Variants in KCNJ6 observed in about 807,000 individuals in gnomAD.
KCNJ6 encodes potassium inwardly rectifying channel subfamily J member 6, also known as G protein-activated inward rectifier potassium channel 2.
A neutral mutation model predicts 34.2 loss-of-function variants in KCNJ6; 9 were observed. That is an observed-to-expected ratio of 0.26 (90% confidence interval 0.16 to 0.46). KCNJ6 has a LOEUF of 0.46. KCNJ6 is among the 20% of genes least tolerant of loss of function. The probability of loss-of-function intolerance (pLI) is 1.00; values close to 1 mark genes in which losing one functional copy is unlikely to be tolerated. For synonymous variants in KCNJ6, 196 were observed against 207.1 expected (o/e 0.95, Z 0.46); for missense variants, 236 against 531.3 (o/e 0.44, Z 5.46).
At chr21:37,803,140 A>C (rs1234175953) in intron 2 of KCNJ6, among the ~76,000 whole-genome samples, 2 of 152,134 alleles carry the variant, frequency 1.3e-5, no homozygotes, top group African/African-American at 4.8e-5. Flanking sequence ...ATGACGTTGA[A>C]AATTATGTTT....
At chr21:37,653,325 AAGCCTGC>A (rs2054442406) in intron 3 of KCNJ6, among the ~76,000 whole-genome samples, 1 of 152,154 alleles carries the variant, frequency 6.6e-6, no homozygotes, top group African/African-American at 2.4e-5. Flanking sequence ...ATAAGGTTAC[AAGCCTGC>A]AGGATGGAGA....
intron 1 of KCNJ6, among the ~76,000 whole-genome samples, chr21:37,840,918 T>C (rs913522055): frequency 2.6e-5 from 4 of 152,212 alleles, no homozygotes; most frequent in Non-Finnish European, 4.4e-5. Flanking sequence ...AAGCTTCCCA[T>C]TGCTCTTGGA....
At chr21:37,865,027 C>T (rs2055615453) in intron 1 of KCNJ6, among the ~76,000 whole-genome samples, 1 of 152,048 alleles carries the variant, frequency 6.6e-6, no homozygotes, top group South Asian at 2.1e-4. Flanking sequence ...TTCTCTATGC[C>T]CATGAGGCTT....
At chr21:37,736,128 C>T (rs1262729732) in intron 2 of KCNJ6, among the ~76,000 whole-genome samples, 1 of 152,166 alleles carries the variant, frequency 6.6e-6, no homozygotes, top group African/African-American at 2.4e-5. Flanking sequence ...AGGCTTGGAG[C>T]CCCATCTCTG....
At chr21:37,865,407 G>C (rs2123606839) in intron 1 of KCNJ6, among the ~76,000 whole-genome samples, 1 of 152,306 alleles carries the variant, frequency 6.6e-6, no homozygotes, top group African/African-American at 2.4e-5. Flanking sequence ...TCCACCCCCA[G>C]TTCTCAGCTG....
At chr21:37,835,984 A>G (rs574882443) in intron 2 of KCNJ6, among the ~76,000 whole-genome samples, 1 of 152,206 alleles carries the variant, frequency 6.6e-6, no homozygotes, top group Non-Finnish European at 1.5e-5. Flanking sequence ...GATGCGATCT[A>G]TCCATCTGAC....
At chr21:37,854,462 A>G (rs757341040) in intron 1 of KCNJ6, among the ~76,000 whole-genome samples, 7 of 152,344 alleles carry the variant, frequency 4.6e-5, no homozygotes, top group South Asian at 2.1e-4. Flanking sequence ...TAATGGAGTA[A>G]TGAGTAGAAC....
intron 1 of KCNJ6, among the ~76,000 whole-genome samples, chr21:37,844,294 G>A (rs999616630): frequency 6.6e-6 from 1 of 152,004 alleles, no homozygotes; most frequent in Non-Finnish European, 1.5e-5. Context: ...TGTTGACCTC[G>A]TGATCCGCCC....
chr21:37,765,229 C>G (rs1387492974), intron 2 of KCNJ6, among the ~76,000 whole-genome samples: 1 of 152,154 alleles, frequency 6.6e-6, no homozygotes, highest in Non-Finnish European at 1.5e-5. Flanking sequence ...CACTGCACAT[C>G]TCTTTTAAAT....
intron 3 of KCNJ6, among the ~76,000 whole-genome samples, chr21:37,668,973 C>G (rs1170731590): frequency 6.6e-6 from 1 of 152,154 alleles, no homozygotes; most frequent in African/African-American, 2.4e-5. Context: ...CTTCCAGGCC[C>G]TCCCAATCCA....
At position 37,611,563 on chromosome 21, in the gene KCNJ6, T is replaced by A. The variant is rs1470123892; in HGVS notation, c.*13596A>T. The A allele has an allele frequency of 6.6e-6, 1 of 152,198 alleles. No homozygotes were observed. The highest frequency in any genetic ancestry group is 1.5e-5 in the Non-Finnish European group (1 of 68,036). 9.4% of individuals were successfully genotyped at this position (152,198 alleles called of 1,614,324 possible). A position where few individuals can be genotyped will look rare whatever the true frequency, so the allele number is the denominator to read the frequency against. On this transcript the variant is annotated 3_prime_UTR_variant, in exon 4 of 4. Coordinates refer to ENST00000609713, the MANE Select transcript of KCNJ6 (RefSeq NM_002240.5). Reference sequence around the variant, plus strand: ...CAAGAAAACTACAGACCAATACCTGTCATAAGCATAGATGCAGAAATCCTC... The same window carrying A: ...CAAGAAAACTACAGACCAATACCTGACATAAGCATAGATGCAGAAATCCTC...
At chr21:37,738,077 T>C (rs1328892310) in intron 2 of KCNJ6, among the ~76,000 whole-genome samples, 7 of 152,206 alleles carry the variant, frequency 4.6e-5, no homozygotes, top group Admixed American at 4.6e-4. Flanking sequence ...TCACACTCTT[T>C]TTTAACAGTG....
At position 37,695,151 on chromosome 21, in the gene KCNJ6, G is replaced by T. The variant is rs2054658418; in HGVS notation, c.946+19060C>A. Among the ~76,000 whole-genome samples, 1 of 152,216 alleles carries T rather than the reference G, an allele frequency of 6.6e-6. No individual in the cohort carries two copies. Among genetic ancestry groups the T allele is most frequent in the Non-Finnish European group, 1.5e-5 (1 of 68,054 alleles). ...ACCTAAAAAGCACCAGGAATGAAGT[G>T]AGCATGCACACCATAATGATGCACA... is the stretch of plus-strand genomic sequence containing the variant. On this transcript the variant is annotated intron_variant, in intron 3 of 3. Coordinates refer to ENST00000609713, the MANE Select transcript of KCNJ6 (RefSeq NM_002240.5). This position sits in a 1 kb window ranked among gnomAD's most constrained non-coding sequence, Gnocchi z 4.2.
chr21:37,862,747 G>A (rs532719875), intron 1 of KCNJ6, among the ~76,000 whole-genome samples: 27 of 152,332 alleles, frequency 1.8e-4, no homozygotes, highest in African/African-American at 6.3e-4. Context: ...TTTTGTAAAA[G>A]AGTACAATGC....
intron 2 of KCNJ6, among the ~76,000 whole-genome samples, chr21:37,764,956 C>G (rs141470701): frequency 4.9e-4 from 74 of 152,244 alleles, no homozygotes; most frequent in African/African-American, 1.8e-3. Flanking sequence ...GGGGGTGAAG[C>G]AGTGTTGTGC....
chr21:37,637,333 C>T (rs1169599867), intron 3 of KCNJ6, among the ~76,000 whole-genome samples: 1 of 152,138 alleles, frequency 6.6e-6, no homozygotes. Context: ...TCTTCTATTA[C>T]CCAAATATTA....
chr21:37,697,131 C>T lies in KCNJ6; in HGVS notation c.946+17080G>A, dbSNP rs371139819. On this transcript the variant is annotated intron_variant, in intron 3 of 3. Transcript: ENST00000609713. Reference sequence around the variant, plus strand: ...GCATGGTGCCAAGGGGAGGAGGGAGCGAGAAGACCATAAGACGATTGTTTG... The same window carrying T: ...GCATGGTGCCAAGGGGAGGAGGGAGTGAGAAGACCATAAGACGATTGTTTG... Among the ~76,000 whole-genome samples the T allele has an allele frequency of 2.2e-3, 338 of 152,186 alleles. 5 individuals are homozygous for T. Among genetic ancestry groups the T allele is most frequent in the South Asian group, 0.021 (100 of 4,816 alleles).
intron 2 of KCNJ6, among the ~76,000 whole-genome samples, chr21:37,719,178 G>A (rs2054810813): frequency 6.6e-6 from 1 of 152,234 alleles, no homozygotes; most frequent in Non-Finnish European, 1.5e-5. Flanking sequence ...CCTCAGGGCT[G>A]TGTCCAGAGT....
chr21:37,651,967 G>A (rs2054435759), intron 3 of KCNJ6, among the ~76,000 whole-genome samples: 1 of 152,180 alleles, frequency 6.6e-6, no homozygotes, highest in Admixed American at 6.5e-5. Context: ...TTTAGGATGA[G>A]TCTTTAGGTT....
Sources: allele counts gnomAD v4.1 joint callset (sites outside exome capture counted in the v4.1 genomes callset), GRCh38; gene constraint gnomAD v4.1.1; non-coding constraint Gnocchi (gnomAD v3.1); transcripts MANE v1.5; gene names NCBI Gene and HGNC (gene_info 2026-07-23, HGNC 2026-07-21).